PADI1: variants seen among roughly 807,000 people sequenced by gnomAD.
The protein encoded by PADI1 is protein-arginine deiminase type-1.
In PADI1, 65 loss-of-function variants were observed where a neutral mutation model predicts 74.8. The ratio of observed to expected loss-of-function variants is 0.87; its 90% CI spans 0.71 to 1.07. PADI1 has a LOEUF of 1.07. Among genes scored for constraint, PADI1 ranks in the 50% least tolerant of loss-of-function variants. PADI1 has a pLI of 0.00. For synonymous variants in PADI1, 371 were observed against 336.2 expected, an observed-to-expected ratio of 1.10 and a Z score of -1.13; for missense variants, 943 against 854.0, an observed-to-expected ratio of 1.10 and a Z score of -1.30.
chr1:17,216,685 A>G (rs2071986475), intron 1 of PADI1, among the ~76,000 whole-genome samples: 2 of 152,132 alleles, frequency 1.3e-5, no homozygotes, highest in South Asian at 2.1e-4. Context: ...AGCCTGGCCA[A>G]CATGGCGAAA....
At chr1:17,227,633 A>G (rs2072360740) in intron 6 of PADI1, among the ~76,000 whole-genome samples, 1 of 152,190 alleles carries the variant, frequency 6.6e-6, no homozygotes, top group Non-Finnish European at 1.5e-5. Context: ...AAACAGCAAC[A>G]GGCTTCTACC....
chr1:17,242,207 T>C (rs368548186), intron 15 of PADI1, among the ~76,000 whole-genome samples: 5 of 152,292 alleles, frequency 3.3e-5, no homozygotes, highest in Admixed American at 1.3e-4. Context: ...AATAGCACTC[T>C]CCCAGATGTG....
intron 1 of PADI1, among the ~76,000 whole-genome samples, chr1:17,217,729 G>T (rs571421566): frequency 1.3e-5 from 2 of 152,340 alleles, no homozygotes; most frequent in African/African-American, 4.8e-5. Flanking sequence ...GTCCAATGAT[G>T]TTGGGCTGGT....
rs770491839 is a variant in PADI1, at chr1:17,205,172, C to G, written c.-46C>G. ...GGCAAAGAAGTGCCCAGGACGGGAG[C>G]TGGGGAGCCAGGGCTGATCTAGGAG... On this transcript the variant is annotated 5_prime_UTR_variant, in exon 1 of 16. Coordinates refer to ENST00000375471, the MANE Select transcript of PADI1 (RefSeq NM_013358.3). 6.6e-7 allele frequency: 1 copy of G among 1,507,498 alleles called. No individual in the cohort carries two copies. The highest frequency in any genetic ancestry group is 9.2e-7 in the Non-Finnish European group (1 of 1,084,744). The allele number at this position is 1,507,498 out of a possible 1,614,324, so 93.4% of individuals were successfully genotyped here.
intron 1 of PADI1, among the ~76,000 whole-genome samples, chr1:17,210,521 T>C (rs966576319): frequency 8.5e-5 from 13 of 152,112 alleles, no homozygotes; most frequent in Non-Finnish European, 1.9e-4. Flanking sequence ...CCTCCATTCC[T>C]GGCTGGGCAG....
At chr1:17,243,983 C>T in intron 15 of PADI1, 27 bp from the exon 16 acceptor site, 1 of 1,526,580 alleles carries the variant, frequency 6.6e-7, no homozygotes, top group Non-Finnish European at 9.1e-7. Flanking sequence ...GCCAGACAGC[C>T]TCCCTCTTGC....
intron 11 of PADI1, among the ~76,000 whole-genome samples, chr1:17,234,244 A>G (rs1406775079): frequency 6.6e-6 from 1 of 152,236 alleles, no homozygotes; most frequent in African/African-American, 2.4e-5. Flanking sequence ...GCACAGTTAA[A>G]GGTACTGGGG....
chr1:17,242,218 A>G (rs1026154902), intron 15 of PADI1, among the ~76,000 whole-genome samples: 11 of 152,138 alleles, frequency 7.2e-5, no homozygotes, highest in Admixed American at 1.3e-4. Context: ...CCCAGATGTG[A>G]CAACCAAAAA....
chr1:17,231,938 T>A (rs1303106452), intron 10 of PADI1, among the ~76,000 whole-genome samples: 2 of 74,456 alleles, frequency 2.7e-5, no homozygotes, highest in Non-Finnish European at 5.4e-5. Context: ...AAAAAACACG[T>A]GTTTGTTTGT....
intron 6 of PADI1, among the ~76,000 whole-genome samples, chr1:17,227,345 T>C (rs2100469484): frequency 6.6e-6 from 1 of 151,384 alleles, no homozygotes; most frequent in African/African-American, 2.4e-5. Flanking sequence ...CCCAGGAGTT[T>C]GAGACCAGCC....
intron 6 of PADI1, among the ~76,000 whole-genome samples, chr1:17,228,080 T>C (rs921199021): frequency 2.4e-4 from 37 of 152,252 alleles, no homozygotes; most frequent in African/African-American, 8.9e-4. Context: ...AGCCTTGAAC[T>C]CCCGGGCTCA....
chr1:17,233,029 C>T, intron 11 of PADI1, 59 bp downstream of exon 11: 1 of 1,402,332 alleles, frequency 7.1e-7, no homozygotes, highest in Non-Finnish European at 9.5e-7. Context: ...CATCCACCCT[C>T]CCTGTGCCCC....
At chr1:17,241,240 G>A (rs1234545439) in intron 15 of PADI1, among the ~76,000 whole-genome samples, 3 of 152,216 alleles carry the variant, frequency 2.0e-5, no homozygotes, top group African/African-American at 7.2e-5. Context: ...CTCATTAACA[G>A]GGCAGCTGAC....
intron 15 of PADI1, 50 bp from the exon 16 acceptor site, chr1:17,243,960 C>T: frequency 7.5e-7 from 1 of 1,335,570 alleles, no homozygotes; most frequent in Non-Finnish European, 1.1e-6. Context: ...GTGCCAGAAG[C>T]ACAGCACTTA....
chr1:17,235,241 G>A (rs1269592243), intron 11 of PADI1, among the ~76,000 whole-genome samples: 5 of 99,710 alleles, frequency 5.0e-5, no homozygotes, highest in African/African-American at 9.0e-5. Context: ...GAGGGAGGGA[G>A]GGAGAGTGGG....
rs530506441 is a variant in PADI1, at chr1:17,229,954, C to T, written c.930-131C>T. 1.2e-4 allele frequency: 96 copies of T among 776,954 alleles called. 2 individuals carry two copies. In the South Asian group the frequency reaches 1.6e-3, roughly 13 times the overall value. 48.1% of individuals were successfully genotyped at this position (776,954 alleles called of 1,614,324 possible). ...TCCATCTTCCCCATGCGCCTATGAG[C>T]CTCTCAAGGTCATGAACTGGAACCC... On this transcript the variant is annotated intron_variant, in intron 8 of 15. Transcript: ENST00000375471.
intron 1 of PADI1, among the ~76,000 whole-genome samples, chr1:17,213,548 C>T (rs537969395): frequency 2.6e-5 from 4 of 152,352 alleles, no homozygotes; most frequent in Admixed American, 1.3e-4. Flanking sequence ...CCTTTACACA[C>T]AGCTGTCCTG....
intron 15 of PADI1, among the ~76,000 whole-genome samples, chr1:17,241,084 C>T (rs1006623452): frequency 1.3e-5 from 2 of 152,124 alleles, no homozygotes; most frequent in Non-Finnish European, 2.9e-5. Flanking sequence ...AAAAAGAAAG[C>T]GTGGTTTGGT....
At chr1:17,237,713 A>G (rs1032148319) in intron 12 of PADI1, among the ~76,000 whole-genome samples, 4 of 152,206 alleles carry the variant, frequency 2.6e-5, no homozygotes, top group East Asian at 1.9e-4. Context: ...AGCACCTACT[A>G]TGTGCCAGAT....
Sources: allele counts gnomAD v4.1 joint callset (sites outside exome capture counted in the v4.1 genomes callset), GRCh38; gene constraint gnomAD v4.1.1; transcripts MANE v1.5; gene names NCBI Gene and HGNC (gene_info 2026-07-23, HGNC 2026-07-21).